Variants in ADAMTS20 observed in about 807,000 individuals in gnomAD.
The protein encoded by ADAMTS20 is A disintegrin and metalloproteinase with thrombospondin motifs 20.
A neutral mutation model predicts 260.1 loss-of-function variants in ADAMTS20; 225 were observed. The observed-to-expected ratio is 0.87, with a 90% CI of 0.78 to 0.97. The LOEUF (loss-of-function observed/expected upper bound fraction) is 0.97. Ranked by LOEUF, ADAMTS20 falls within the 50% of genes least tolerant of loss-of-function variation. The pLI, the probability that ADAMTS20 is intolerant of heterozygous loss-of-function variation, is 0.00. For missense variants in ADAMTS20, 2,400 were observed against 2,337.7 expected (o/e 1.03, Z -0.55); for synonymous variants, 802 against 769.5 (o/e 1.04, Z -0.70).
chr12:43,480,167 G>A (rs1482152698), intron 7 of ADAMTS20, among the ~76,000 whole-genome samples: 3 of 152,020 alleles, frequency 2.0e-5, no homozygotes, highest in African/African-American at 7.2e-5. Flanking sequence ...TCTAGACTTG[G>A]GGAAAAAATA....
At chr12:43,493,363 A>G in intron 4 of ADAMTS20, 110 bp from the exon 5 acceptor site, 1 of 727,744 alleles carries the variant, frequency 1.4e-6, no homozygotes, top group East Asian at 2.7e-5. Context: ...GCACGTAGGA[A>G]TCTTGGAATC....
At chr12:43,492,329 G>C (rs1235464460) in intron 6 of ADAMTS20, among the ~76,000 whole-genome samples, 176 bp downstream of exon 6, 1 of 151,136 alleles carries the variant, frequency 6.6e-6, no homozygotes, top group Non-Finnish European at 1.5e-5. Context: ...GCAGTGAGCC[G>C]AGATCGCGCC....
intron 15 of ADAMTS20, among the ~76,000 whole-genome samples, chr12:43,444,885 C>G (rs1162160776): frequency 6.6e-6 from 1 of 152,082 alleles, no homozygotes; most frequent in Non-Finnish European, 1.5e-5. Flanking sequence ...TGTTTTAGAG[C>G]AGACTTATTT....
chr12:43,446,295 G>A (rs1360693395), intron 15 of ADAMTS20, among the ~76,000 whole-genome samples: 1 of 152,040 alleles, frequency 6.6e-6, no homozygotes, highest in Admixed American at 6.6e-5. Flanking sequence ...ATTAATGGGA[G>A]GATTATTCAC....
In ADAMTS20 at chr12:43,468,632, A is replaced by G. The variant is rs141409999; in HGVS notation, c.1191T>C (p.Ser397=). The change falls in exon 8 of 39, where the codon TCT becomes TCC. Residue 397 remains serine (S), a synonymous_variant. Transcript: ENST00000389420. ...CAAGCTCATGGGCTATAGTAAAAGC[A>G]GAAATGAGTCCTTTTTCTTCATTAA... ...CFINEEKGLI[S]AFTIAHELGH... is the part of the protein sequence containing the mutation. The G allele has an allele frequency of 1.7e-4, 272 of 1,611,254 alleles. 3 individuals carry two copies. The African/African-American group carries it at 3.3e-3, about 20-fold the overall frequency.
intron 7 of ADAMTS20, among the ~76,000 whole-genome samples, chr12:43,482,991 T>C (rs1251200900): frequency 6.6e-6 from 1 of 152,186 alleles, no homozygotes; most frequent in East Asian, 1.9e-4. Flanking sequence ...CCAGGAGATC[T>C]TGAGTCTGTC....
chr12:43,360,068 A>G (rs557545885), intron 37 of ADAMTS20, among the ~76,000 whole-genome samples: 1 of 150,180 alleles, frequency 6.7e-6, no homozygotes, highest in Non-Finnish European at 1.5e-5. Flanking sequence ...TGCCGTATCC[A>G]ACAGAAGACC....
At chr12:43,416,523 C>CTT (rs1941132670) in intron 28 of ADAMTS20, among the ~76,000 whole-genome samples, 2 of 126,092 alleles carry the variant, frequency 1.6e-5, no homozygotes, top group Non-Finnish European at 1.7e-5. Flanking sequence ...GTCAAACTGA[C>CTT]CTTTTTTTTT....
intron 3 of ADAMTS20, among the ~76,000 whole-genome samples, chr12:43,506,370 C>A (rs1942842372): frequency 6.6e-6 from 1 of 151,936 alleles, no homozygotes; most frequent in South Asian, 2.1e-4. Context: ...TATATAGTCT[C>A]AGTTTGCAAG....
At chr12:43,507,752 G>A (rs1471184346) in intron 3 of ADAMTS20, among the ~76,000 whole-genome samples, 3 of 152,130 alleles carry the variant, frequency 2.0e-5, no homozygotes, top group South Asian at 2.1e-4. Flanking sequence ...AATGCCCATC[G>A]ATGACAGAAT....
chr12:43,411,482 C>T (rs904490776), intron 28 of ADAMTS20, among the ~76,000 whole-genome samples: 8 of 152,140 alleles, frequency 5.3e-5, no homozygotes, highest in African/African-American at 9.7e-5. Context: ...ATTCTCCTGC[C>T]TCAGCCTCCC....
Position 43,532,025 on chromosome 12 carries a change from T to C in ADAMTS20, c.613+11A>G, listed in dbSNP as rs971638710. ...CTATTTAGCTGAAAAGAGTTCTATT[T>C]CACAGTTTACCTGACACACTGCAAT... On this transcript the variant is annotated intron_variant, in intron 3 of 38. Coordinates refer to ENST00000389420, the MANE Select transcript of ADAMTS20 (RefSeq NM_025003.5). 4.0e-6 allele frequency: 6 copies of C among 1,491,934 alleles called. No homozygotes were observed. Among genetic ancestry groups the C allele is most frequent in the Admixed American group, 2.0e-5 (1 of 49,002 alleles). 92.4% of individuals were successfully genotyped at this position (1,491,934 alleles called of 1,614,324 possible). A position where few individuals can be genotyped will look rare whatever the true frequency, so the allele number is the denominator to read the frequency against.
At position 43,363,020 on chromosome 12, in the gene ADAMTS20, A is replaced by G. The variant is rs578046815; in HGVS notation, c.5538+6270T>C. ...GACTTCCATAACTGTTAAATAATAA[A>G]TTTGTGCTACCAAGAAAAAAAAAAG... On this transcript the variant is annotated intron_variant, in intron 37 of 38. Transcript: ENST00000389420. Among the ~76,000 whole-genome samples the G allele has an allele frequency of 2.0e-5, 3 of 152,006 alleles. No individual in the cohort carries two copies. In the East Asian group the frequency reaches 5.8e-4, roughly 30 times the overall value.
At chr12:43,429,345 A>C (rs2137302850) in intron 24 of ADAMTS20, among the ~76,000 whole-genome samples, 1 of 152,338 alleles carries the variant, frequency 6.6e-6, no homozygotes, top group African/African-American at 2.4e-5. Flanking sequence ...TCTGATTCTC[A>C]TAACAACCTG....
intron 2 of ADAMTS20, among the ~76,000 whole-genome samples, chr12:43,537,761 T>C (rs139241502): frequency 2.0e-5 from 3 of 152,318 alleles, no homozygotes; most frequent in Admixed American, 1.3e-4. Flanking sequence ...ACAAATAACA[T>C]GCAGTGTACA....
intron 28 of ADAMTS20, among the ~76,000 whole-genome samples, chr12:43,409,098 T>G (rs962495497): frequency 6.6e-6 from 1 of 151,688 alleles, no homozygotes; most frequent in African/African-American, 2.4e-5. Context: ...CCCCTGAAAA[T>G]AAAAATACTG....
In ADAMTS20 at chr12:43,430,368, C is replaced by A. The variant is rs752110033; in HGVS notation, c.3365G>T (p.Arg1122Leu). 1.1e-5 allele frequency: 18 copies of A among 1,611,664 alleles called. No homozygotes were observed. Among genetic ancestry groups the A allele is most frequent in the Non-Finnish European group, 5.9e-6 (7 of 1,178,712 alleles). The change falls in exon 23 of 39, where the codon CGC (arginine) becomes CTC (leucine). Residue 1122 changes from arginine (R) to leucine (L), a missense_variant. Physicochemically the swap from Arg to Leu is moderately radical, Grantham distance 102. Coordinates refer to ENST00000389420, the MANE Select transcript of ADAMTS20 (RefSeq NM_025003.5). ...TCTTTTTACCTGTCTGTCACTGGGG[C>A]GACTAGCTTCATGGCATTCTGTGTC... The part of the protein sequence containing the change: ...LEDTECHEAS[R>L]PSDRQSCVLT...
At chr12:43,452,815 T>C in intron 12 of ADAMTS20, 120 bp from the exon 13 acceptor site, 1 of 864,414 alleles carries the variant, frequency 1.2e-6, no homozygotes, top group South Asian at 2.1e-5. Flanking sequence ...TAACACTTTT[T>C]AACAGAAGTA....
chr12:43,428,056 T>C (rs946442654), intron 26 of ADAMTS20, among the ~76,000 whole-genome samples, 185 bp downstream of exon 26: 1 of 152,218 alleles, frequency 6.6e-6, no homozygotes, highest in African/African-American at 2.4e-5. Context: ...CATTAGTGCA[T>C]AATTCAATAA....
Sources: allele counts gnomAD v4.1 joint callset (sites outside exome capture counted in the v4.1 genomes callset), GRCh38; gene constraint gnomAD v4.1.1; transcripts MANE v1.5; gene names NCBI Gene and HGNC (gene_info 2026-07-23, HGNC 2026-07-21).